NKAIN2: variants seen among roughly 807,000 people sequenced by gnomAD.
NKAIN2 encodes the protein sodium/potassium-transporting ATPase subunit beta-1-interacting protein 2.
Under a neutral mutation model 32.6 loss-of-function variants are expected in NKAIN2, and 14 were observed. The observed-to-expected ratio is 0.43, with a 90% CI of 0.28 to 0.67. The LOEUF is 0.67. Among genes scored for constraint, NKAIN2 ranks in the 30% least tolerant of loss-of-function variants. The probability of loss-of-function intolerance (pLI) is 0.17; values close to 1 mark genes in which losing one functional copy is unlikely to be tolerated. For missense variants in NKAIN2, 198 were observed against 258.3 expected (o/e 0.77, Z 1.60); for synonymous variants, 80 against 87.2 (o/e 0.92, Z 0.46).
At chr6:124,803,684 A>G (rs1780371512) in intron 5 of NKAIN2, among the ~76,000 whole-genome samples, 1 of 152,094 alleles carries the variant, frequency 6.6e-6, no homozygotes, top group East Asian at 1.9e-4. Flanking sequence ...TGGTCTCTTC[A>G]GCTTCCGTGG....
chr6:123,890,541 G>T (rs545625124), intron 1 of NKAIN2, among the ~76,000 whole-genome samples: 1 of 152,020 alleles, frequency 6.6e-6, no homozygotes, highest in South Asian at 2.1e-4. Context: ...GAGGAAAGAA[G>T]AAATGCATGT....
intron 3 of NKAIN2, among the ~76,000 whole-genome samples, chr6:124,460,219 C>T (rs987323390): frequency 3.3e-5 from 5 of 151,586 alleles, no homozygotes; most frequent in Non-Finnish European, 5.9e-5. Flanking sequence ...AGATACCGTC[C>T]TTATGTTACT....
intron 3 of NKAIN2, among the ~76,000 whole-genome samples, chr6:124,415,136 C>A (rs1179216798): frequency 2.0e-5 from 3 of 152,192 alleles, no homozygotes; most frequent in Non-Finnish European, 4.4e-5. Flanking sequence ...TCAATCCAGA[C>A]ACTATCCACC....
At chr6:124,099,757 C>A (rs1419877662) in intron 1 of NKAIN2, among the ~76,000 whole-genome samples, 5 of 151,988 alleles carry the variant, frequency 3.3e-5, no homozygotes, top group African/African-American at 1.2e-4. Context: ...TGAATAGAGC[C>A]CAGACATGCT....
chr6:124,503,085 A>G (rs576312673), intron 3 of NKAIN2, among the ~76,000 whole-genome samples: 1 of 152,314 alleles, frequency 6.6e-6, no homozygotes, highest in Non-Finnish European at 1.5e-5. Flanking sequence ...CCAAGAAAAT[A>G]GTACATCTTT....
chr6:124,227,066 C>G (rs1400489439), intron 1 of NKAIN2, among the ~76,000 whole-genome samples: 1 of 142,302 alleles, frequency 7.0e-6, no homozygotes, highest in Non-Finnish European at 1.5e-5. Flanking sequence ...GGAAGATTCA[C>G]TATTGCTACT....
intron 1 of NKAIN2, among the ~76,000 whole-genome samples, chr6:123,946,086 G>A (rs1777049579): frequency 6.6e-6 from 1 of 152,010 alleles, no homozygotes; most frequent in African/African-American, 2.4e-5. Context: ...CACCTGTATA[G>A]TCTTATTTGC....
At chr6:124,377,099 C>T (rs1800025367) in intron 3 of NKAIN2, among the ~76,000 whole-genome samples, 1 of 152,092 alleles carries the variant, frequency 6.6e-6, no homozygotes, top group South Asian at 2.1e-4. Flanking sequence ...CTTTAATATG[C>T]CATCTAGATG....
At chr6:124,461,032 G>A (rs907952104) in intron 3 of NKAIN2, among the ~76,000 whole-genome samples, 21 of 151,514 alleles carry the variant, frequency 1.4e-4, no homozygotes, top group African/African-American at 5.1e-4. Context: ...ATAGGTATTG[G>A]TAGCAAAAGA....
rs116165558 is a variant in NKAIN2, at chr6:124,058,838, T to C, written c.55-224167T>C. On this transcript the variant is annotated intron_variant, in intron 1 of 6. Transcript: ENST00000368417. ...TGCTCACTCATTTGCATATTGTCTC[T>C]GGCTGCTTTCTTGCTACCGTGGCGA... Among the ~76,000 whole-genome samples, 957 of 152,266 alleles carry C rather than the reference T, an allele frequency of 6.3e-3. 5 individuals are homozygous for C. Among genetic ancestry groups the C allele is most frequent in the African/African-American group, 0.021 (891 of 41,568 alleles).
At chr6:124,751,310 T>A (rs1032704139) in intron 4 of NKAIN2, among the ~76,000 whole-genome samples, 1 of 151,906 alleles carries the variant, frequency 6.6e-6, no homozygotes, top group African/African-American at 2.4e-5. Flanking sequence ...TTAAAAAGAT[T>A]TACTTCCCCA....
At chr6:124,047,021 A>G (rs1436647609) in intron 1 of NKAIN2, among the ~76,000 whole-genome samples, 1 of 152,062 alleles carries the variant, frequency 6.6e-6, no homozygotes, top group African/African-American at 2.4e-5. Flanking sequence ...AAGCTCATTC[A>G]GCATGTCAGA....
intron 3 of NKAIN2, among the ~76,000 whole-genome samples, chr6:124,561,860 T>C (rs1780707767): frequency 6.6e-6 from 1 of 152,234 alleles, no homozygotes; most frequent in African/African-American, 2.4e-5. Flanking sequence ...GTCAGCTCTC[T>C]GGATAGCAGT....
intron 3 of NKAIN2, among the ~76,000 whole-genome samples, chr6:124,581,096 T>G (rs1433546493): frequency 2.0e-5 from 3 of 152,166 alleles, no homozygotes; most frequent in Non-Finnish European, 4.4e-5. Context: ...GCTGGAGTTT[T>G]CAGCACCCTA....
At chr6:124,580,944 G>A (rs1455440576) in intron 3 of NKAIN2, among the ~76,000 whole-genome samples, 2 of 151,966 alleles carry the variant, frequency 1.3e-5, no homozygotes, top group Non-Finnish European at 2.9e-5. Context: ...GACAAAGAAG[G>A]TCATTATATA....
intron 1 of NKAIN2, among the ~76,000 whole-genome samples, chr6:124,153,657 A>G (rs1253271330): frequency 6.6e-6 from 1 of 151,528 alleles, no homozygotes; most frequent in Non-Finnish European, 1.5e-5. Context: ...TAATTTCTCA[A>G]TAATTTGTTT....
rs141725807 is a variant in NKAIN2, at chr6:124,634,791, A to C, written c.274-23395A>C. Among the ~76,000 whole-genome samples the C allele has an allele frequency of 1.4e-4, 21 of 152,178 alleles. No individual in the cohort carries two copies. In the East Asian group the frequency reaches 4.1e-3, roughly 29 times the overall value. On this transcript the variant is annotated intron_variant, in intron 3 of 6. Transcript: ENST00000368417. ...AGTGTTCTCTATGAGGTATATTATA[A>C]TCAAATTCTCAAAAGCCAAAGAGAG... is the stretch of plus-strand genomic sequence containing the variant.
chr6:124,550,703 T>G (rs1435831929), intron 3 of NKAIN2, among the ~76,000 whole-genome samples: 1 of 152,160 alleles, frequency 6.6e-6, no homozygotes, highest in African/African-American at 2.4e-5. Context: ...AACACAGTTA[T>G]TGAGAAGGAA....
intron 4 of NKAIN2, among the ~76,000 whole-genome samples, chr6:124,728,139 G>A (rs1026657691): frequency 6.6e-5 from 9 of 136,376 alleles, no homozygotes; most frequent in African/African-American, 2.2e-4. Flanking sequence ...GTCAACATTA[G>A]ACAGATCAAC....
Sources: allele counts gnomAD v4.1 joint callset (sites outside exome capture counted in the v4.1 genomes callset), GRCh38; gene constraint gnomAD v4.1.1; transcripts MANE v1.5; gene names NCBI Gene and HGNC (gene_info 2026-07-23, HGNC 2026-07-21).